YTHDC2: variants seen among roughly 807,000 people sequenced by gnomAD.
YTHDC2 encodes the protein YTH N6-methyladenosine RNA binding protein C2.
A neutral mutation model predicts 174.9 loss-of-function variants in YTHDC2; 45 were observed. That is an observed-to-expected ratio of 0.26 (90% CI 0.20 to 0.33). The LOEUF is 0.33. YTHDC2 is among the 10% of genes least tolerant of loss of function. The pLI is 1.00. For missense variants in YTHDC2, 1,650 were observed against 1,723.7 expected, an observed-to-expected ratio of 0.96 and a Z score of 0.76; for synonymous variants, 657 against 574.5, an observed-to-expected ratio of 1.14 and a Z score of -2.05.
At chr5:113,535,103 G>C (rs969572721) in intron 6 of YTHDC2, among the ~76,000 whole-genome samples, 10 of 152,068 alleles carry the variant, frequency 6.6e-5, no homozygotes, top group African/African-American at 2.2e-4. Flanking sequence ...TGGGAAAAAA[G>C]GGCAATATAG....
At chr5:113,535,351 AT>A (rs199612742) in intron 6 of YTHDC2, among the ~76,000 whole-genome samples, 43 of 147,750 alleles carry the variant, frequency 2.9e-4, no homozygotes, top group East Asian at 2.6e-3. Context: ...ATACTATGCC[AT>A]TTTTTTTTTT....
rs760932174 is a variant in YTHDC2 at position 113,515,255 on chromosome 5, GT to G, written c.188-9del. 6.9e-6 allele frequency: 11 copies of G among 1,584,602 alleles called. No homozygotes were observed. Among genetic ancestry groups the G allele is most frequent in the African/African-American group, 2.7e-5 (2 of 73,370 alleles). On this transcript the variant is annotated splice_polypyrimidine_tract_variant and intron_variant, in intron 1 of 29. Coordinates refer to ENST00000161863, the MANE Select transcript of YTHDC2 (RefSeq NM_022828.5). ...GCCTATCTACAAATTTTACTACTTTGTTTTTTTTCCGTGTAGAAATGGAATT... is the reference window on the plus strand; with the variant it reads ...GCCTATCTACAAATTTTACTACTTTGTTTTTTTCCGTGTAGAAATGGAATT...
chr5:113,577,755 A>AT (rs1275272434), intron 23 of YTHDC2, among the ~76,000 whole-genome samples: 1 of 152,180 alleles, frequency 6.6e-6, no homozygotes, highest in East Asian at 1.9e-4. Context: ...TATCTTAAAA[A>AT]ATATATATTT....
At chr5:113,535,958 C>T (rs1009104920) in intron 7 of YTHDC2, among the ~76,000 whole-genome samples, 160 bp downstream of exon 7, 1 of 152,194 alleles carries the variant, frequency 6.6e-6, no homozygotes, top group South Asian at 2.1e-4. Context: ...TTTTCAACTT[C>T]TCCTTTTCTA....
intron 10 of YTHDC2, among the ~76,000 whole-genome samples, chr5:113,546,039 C>CCTCATTATTGATATTTTGAAAAATAAT (rs546478622): frequency 1.6e-5 from 2 of 128,050 alleles, no homozygotes; most frequent in African/African-American, 7.3e-5. Flanking sequence ...CGCGCCCGGC[C>CCTCATTATTGATATTTTGAAAAATAAT]TGATCTCCAT....
chr5:113,541,920 G>C (rs996109256), intron 9 of YTHDC2, among the ~76,000 whole-genome samples: 2 of 152,050 alleles, frequency 1.3e-5, no homozygotes, highest in Non-Finnish European at 2.9e-5. Flanking sequence ...AAGACTGGCT[G>C]TATATTTTGT....
chr5:113,527,934 G>A (rs888188002), intron 4 of YTHDC2, among the ~76,000 whole-genome samples: 28 of 152,198 alleles, frequency 1.8e-4, no homozygotes, highest in Middle Eastern at 3.4e-3. Context: ...GGGATTACAG[G>A]CACCCGCCAC....
rs540791308 is a variant in YTHDC2 at position 113,556,217 on chromosome 5, C to G, written c.2216+83C>G. 1.2e-4 allele frequency: 82 copies of G among 663,402 alleles called. No individual in the cohort carries two copies. In the African/African-American group the frequency reaches 1.3e-3, roughly 11 times the overall value. The allele number at this position is 663,402 out of a possible 1,614,324, so 41.1% of individuals were successfully genotyped here. On this transcript the variant is annotated intron_variant, in intron 17 of 29. Coordinates refer to ENST00000161863, the MANE Select transcript of YTHDC2 (RefSeq NM_022828.5). Reference sequence around the variant, plus strand: ...ATGCATTACACATTTATCATATATTCCATGTTCAATAAAATAGTAGTTTTC... The same window carrying G: ...ATGCATTACACATTTATCATATATTGCATGTTCAATAAAATAGTAGTTTTC...
At chr5:113,520,331 A>G (rs990449922) in intron 2 of YTHDC2, among the ~76,000 whole-genome samples, 5 of 152,220 alleles carry the variant, frequency 3.3e-5, no homozygotes, top group Admixed American at 3.3e-4. Flanking sequence ...TTATGAAACT[A>G]GTATAACTTC....
At chr5:113,559,049 C>A (rs1776791334) in intron 17 of YTHDC2, among the ~76,000 whole-genome samples, 1 of 151,908 alleles carries the variant, frequency 6.6e-6, no homozygotes, top group Admixed American at 6.6e-5. Context: ...AAAGTTCCTT[C>A]AGGGGAGAGG....
At chr5:113,537,786 A>C (rs1480776796) in intron 7 of YTHDC2, among the ~76,000 whole-genome samples, 1 of 152,014 alleles carries the variant, frequency 6.6e-6, no homozygotes, top group Non-Finnish European at 1.5e-5. Flanking sequence ...TGAATACTTC[A>C]TCTCTTTTGC....
At chr5:113,589,404 A>ATATATATATATATAT (rs1437521528) in intron 26 of YTHDC2, among the ~76,000 whole-genome samples, 12 of 114,492 alleles carry the variant, frequency 1.0e-4, no homozygotes, top group African/African-American at 3.6e-4. Flanking sequence ...TTAAAAAAAA[A>ATATATATATATATAT]AAAAATATAT....
intron 25 of YTHDC2, chr5:113,583,244 T>A (rs993083251): frequency 6.6e-6 from 1 of 152,178 alleles, no homozygotes; most frequent in Non-Finnish European, 1.5e-5. Flanking sequence ...TTTTAACAGA[T>A]GCATATTTAA....
intron 8 of YTHDC2, 30 bp from the exon 9 acceptor site, chr5:113,540,938 T>C: frequency 6.3e-7 from 1 of 1,590,000 alleles, no homozygotes; most frequent in Non-Finnish European, 8.6e-7. Context: ...ATGATTTGTC[T>C]ACATATTCTT....
intron 8 of YTHDC2, among the ~76,000 whole-genome samples, chr5:113,539,950 G>A (rs913463223): frequency 3.9e-5 from 6 of 152,114 alleles, no homozygotes; most frequent in African/African-American, 7.2e-5. Flanking sequence ...TACTCAGGCT[G>A]GAGTGCATTG....
intron 10 of YTHDC2, among the ~76,000 whole-genome samples, chr5:113,547,216 A>T (rs746850480): frequency 6.6e-5 from 10 of 152,186 alleles, no homozygotes; most frequent in Non-Finnish European, 1.2e-4. Context: ...CTCCAAGGCC[A>T]TGAATTGAAT....
chr5:113,533,547 C>CA (rs571400800), intron 5 of YTHDC2, among the ~76,000 whole-genome samples: 1,365 of 120,198 alleles, frequency 0.011, 7 homozygotes, highest in Admixed American at 0.036. Flanking sequence ...GAAACCGTCT[C>CA]AAAAAAAAAA....
At chr5:113,575,214 A>G (rs1454778956) in intron 23 of YTHDC2, among the ~76,000 whole-genome samples, 1 of 152,214 alleles carries the variant, frequency 6.6e-6, no homozygotes. Context: ...CACATTTAAA[A>G]TGTTCCTTCA....
intron 4 of YTHDC2, among the ~76,000 whole-genome samples, chr5:113,531,990 A>G (rs1319539688): frequency 1.3e-5 from 2 of 152,194 alleles, no homozygotes; most frequent in East Asian, 3.8e-4. Flanking sequence ...CTGCTACTAC[A>G]TATATCTTTC....
Sources: allele counts gnomAD v4.1 joint callset (sites outside exome capture counted in the v4.1 genomes callset), GRCh38; gene constraint gnomAD v4.1.1; transcripts MANE v1.5; gene names NCBI Gene and HGNC (gene_info 2026-07-23, HGNC 2026-07-21).